The following DPF3 variants were observed in gnomAD, a reference collection of about 807,000 sequenced individuals.
The protein encoded by DPF3 is double PHD fingers 3, also known as zinc finger protein DPF3.
A neutral mutation model predicts 56.8 loss-of-function variants in DPF3; 18 were observed. The ratio of observed to expected loss-of-function variants is 0.32; its 90% CI spans 0.22 to 0.47. The LOEUF is 0.47. Among genes scored for constraint, DPF3 ranks in the 20% least tolerant of loss-of-function variants. DPF3 has a pLI of 1.00. For synonymous variants in DPF3, 188 were observed against 180.2 expected (o/e 1.04, Z -0.35); for missense variants, 403 against 488.8 (o/e 0.82, Z 1.65).
At chr14:72,633,738 T>C (rs986609641) in intron 8 of DPF3, among the ~76,000 whole-genome samples, 4 of 152,150 alleles carry the variant, frequency 2.6e-5, no homozygotes, top group African/African-American at 9.7e-5. Context: ...TTCCAGAGCA[T>C]GACAGAACTC....
chr14:72,873,267 T>G (rs534477058), intron 1 of DPF3, among the ~76,000 whole-genome samples: 5 of 152,186 alleles, frequency 3.3e-5, no homozygotes, highest in Non-Finnish European at 7.3e-5. Context: ...GCGAAGGATA[T>G]AAACAGACAC....
intron 1 of DPF3, among the ~76,000 whole-genome samples, chr14:72,790,525 A>G (rs1263780799): frequency 2.6e-5 from 4 of 152,314 alleles, no homozygotes; most frequent in Admixed American, 2.6e-4. Context: ...ACAGTGTACC[A>G]GGCACCTTGC....
intron 3 of DPF3, among the ~76,000 whole-genome samples, chr14:72,753,053 C>A (rs578118501): frequency 6.6e-6 from 1 of 152,304 alleles, no homozygotes; most frequent in East Asian, 1.9e-4. Flanking sequence ...AGGCATGAGA[C>A]ACCCAGAGGG....
At chr14:72,799,391 A>T (rs1892775305) in intron 1 of DPF3, among the ~76,000 whole-genome samples, 1 of 152,176 alleles carries the variant, frequency 6.6e-6, no homozygotes, top group Admixed American at 6.6e-5. Context: ...CTAGCCAGCC[A>T]TGGTGACTCA....
At chr14:72,818,737 A>T (rs1032604930) in intron 1 of DPF3, among the ~76,000 whole-genome samples, 1 of 152,242 alleles carries the variant, frequency 6.6e-6, no homozygotes, top group African/African-American at 2.4e-5. Flanking sequence ...GTTGTACAAC[A>T]ATGGGAGTAT....
chr14:72,671,042 T>C (rs1886650236), intron 8 of DPF3: 2 of 1,508,060 alleles, frequency 1.3e-6, no homozygotes, highest in Non-Finnish European at 1.8e-6. Context: ...AAATCTAAAG[T>C]TGCCTTTCAT....
At chr14:72,667,849 T>C (rs182529067) in intron 8 of DPF3, among the ~76,000 whole-genome samples, 25 of 152,344 alleles carry the variant, frequency 1.6e-4, no homozygotes, top group Admixed American at 1.5e-3. Flanking sequence ...TATACATGCA[T>C]GCATATATAT....
chr14:72,710,112 T>A (rs1045883329), intron 6 of DPF3, among the ~76,000 whole-genome samples: 3 of 152,254 alleles, frequency 2.0e-5, no homozygotes, highest in African/African-American at 7.2e-5. Flanking sequence ...ATCAGGAGTC[T>A]GCTCCAATGA....
chr14:72,689,182 T>C (rs1887565642), intron 7 of DPF3, among the ~76,000 whole-genome samples: 1 of 152,094 alleles, frequency 6.6e-6, no homozygotes, highest in South Asian at 2.1e-4. Context: ...GGATGAGCCA[T>C]GGGCTCTGCT....
At chr14:72,751,552 G>A (rs1020458855) in intron 3 of DPF3, among the ~76,000 whole-genome samples, 10 of 152,148 alleles carry the variant, frequency 6.6e-5, no homozygotes, top group Non-Finnish European at 1.0e-4. Flanking sequence ...TGATCAATAC[G>A]GTCACCACTA....
chr14:72,734,657 G>T (rs771839469), intron 3 of DPF3, among the ~76,000 whole-genome samples: 2 of 152,064 alleles, frequency 1.3e-5, no homozygotes, highest in African/African-American at 2.4e-5. Flanking sequence ...AGCTAGAAAA[G>T]ACCTTATAGA....
intron 1 of DPF3, among the ~76,000 whole-genome samples, chr14:72,799,308 A>T (rs1416562856): frequency 6.6e-6 from 1 of 152,132 alleles, no homozygotes; most frequent in East Asian, 1.9e-4. Flanking sequence ...GTGTAAAATC[A>T]ACCCCACTCT....
At chr14:72,791,897 G>A (rs140846108) in intron 1 of DPF3, among the ~76,000 whole-genome samples, 54 of 152,272 alleles carry the variant, frequency 3.5e-4, no homozygotes, top group Non-Finnish European at 7.4e-4. Flanking sequence ...CCACAGACTC[G>A]AACCTAGTCC....
At chr14:72,650,717 G>A (rs552791793) in intron 8 of DPF3, among the ~76,000 whole-genome samples, 3 of 152,158 alleles carry the variant, frequency 2.0e-5, no homozygotes, top group Non-Finnish European at 4.4e-5. Context: ...GCCTCTTCAA[G>A]GTAAAAGGTG....
chr14:72,729,968 T>C (rs796089964), intron 4 of DPF3, among the ~76,000 whole-genome samples: 6 of 152,194 alleles, frequency 3.9e-5, no homozygotes, highest in African/African-American at 1.4e-4. Context: ...TTATAGCAAA[T>C]GCACCACTCT....
intron 3 of DPF3, among the ~76,000 whole-genome samples, chr14:72,737,601 C>T (rs1248461442): frequency 6.6e-6 from 1 of 152,134 alleles, no homozygotes; most frequent in East Asian, 1.9e-4. Flanking sequence ...TAAAATATGC[C>T]ATATAGAAAA....
intron 1 of DPF3, among the ~76,000 whole-genome samples, chr14:72,876,299 A>G (rs1468156471): frequency 2.0e-5 from 3 of 152,188 alleles, no homozygotes; most frequent in South Asian, 4.1e-4. Flanking sequence ...TCCAAAATGC[A>G]TAACAAATGA....
intron 1 of DPF3, among the ~76,000 whole-genome samples, chr14:72,772,883 C>T (rs1435159982): frequency 2.0e-5 from 3 of 151,882 alleles, no homozygotes; most frequent in African/African-American, 4.8e-5. Context: ...TTACTGGGGT[C>T]GGGGGGCAGT....
chr14:72,686,913 A>C (rs947374586), intron 7 of DPF3, among the ~76,000 whole-genome samples: 1 of 152,258 alleles, frequency 6.6e-6, no homozygotes, highest in Non-Finnish European at 1.5e-5. Context: ...TTTTCACTCT[A>C]TCTCTTAAAG....
Sources: gnomAD v4.1 joint callset for allele counts (sites outside exome capture counted in the v4.1 genomes callset) on GRCh38, gnomAD v4.1.1 for gene constraint, MANE v1.5 for transcripts, NCBI Gene and HGNC (gene_info 2026-07-23, HGNC 2026-07-21) for gene names.